Variants in FARS2 observed in about 807,000 individuals in gnomAD.
FARS2 encodes the protein phenylalanyl-tRNA synthetase 2, mitochondrial, also known as phenylalanine--tRNA ligase, mitochondrial.
A neutral mutation model predicts 46.4 loss-of-function variants in FARS2; 40 were observed. The observed-to-expected ratio is 0.86, with a 90% CI of 0.67 to 1.12. The LOEUF (loss-of-function observed/expected upper bound fraction) is 1.12. Among genes scored for constraint, FARS2 ranks in the 50% most tolerant of loss-of-function variants. FARS2 has a pLI of 0.00. For synonymous variants in FARS2, 234 were observed against 214.9 expected, an observed-to-expected ratio of 1.09 and a Z score of -0.78; for missense variants, 513 against 567.9, an observed-to-expected ratio of 0.90 and a Z score of 0.98.
chr6:5,770,173 A>C (rs1290261133), intron 6 of FARS2, among the ~76,000 whole-genome samples: 6 of 152,170 alleles, frequency 3.9e-5, no homozygotes, highest in Non-Finnish European at 7.4e-5. Flanking sequence ...GTTTCCAGTG[A>C]ATATGTGGGA....
At chr6:5,566,359 C>A (rs942262631) in intron 5 of FARS2, among the ~76,000 whole-genome samples, 1 of 152,108 alleles carries the variant, frequency 6.6e-6, no homozygotes, top group Admixed American at 6.6e-5. Context: ...TCTCACAATG[C>A]GAAGTAATTT....
chr6:5,612,963 G>A (rs1012215338), intron 5 of FARS2, among the ~76,000 whole-genome samples: 2 of 152,158 alleles, frequency 1.3e-5, no homozygotes, highest in Non-Finnish European at 2.9e-5. Context: ...ACATGAATGT[G>A]ATAAGAATCT....
At chr6:5,757,116 A>G (rs1187111868) in intron 6 of FARS2, among the ~76,000 whole-genome samples, 16 of 152,170 alleles carry the variant, frequency 1.1e-4, no homozygotes, top group Admixed American at 1.0e-3. Flanking sequence ...CTTCAACTTG[A>G]GAAAGTTGAT....
chr6:5,254,131 G>A, the FARS2 span, among the ~76,000 whole-genome samples: 6 of 152,150 alleles, frequency 3.9e-5, no homozygotes, highest in Admixed American at 1.3e-4. Context: ...CACTGAAAAC[G>A]GCAATGCCTG....
chr6:5,448,560 T>C (rs1309215968), intron 4 of FARS2, among the ~76,000 whole-genome samples: 1 of 152,086 alleles, frequency 6.6e-6, no homozygotes, highest in Non-Finnish European at 1.5e-5. Flanking sequence ...TGGTATTGCA[T>C]TGTGTGTATG....
At chr6:5,497,227 T>G (rs993261713) in intron 4 of FARS2, among the ~76,000 whole-genome samples, 3 of 152,222 alleles carry the variant, frequency 2.0e-5, no homozygotes, top group Non-Finnish European at 4.4e-5. Context: ...CATTATAATA[T>G]AAAAATGATC....
intron 4 of FARS2, among the ~76,000 whole-genome samples, chr6:5,491,014 G>A (rs1767073007): frequency 6.6e-6 from 1 of 152,222 alleles, no homozygotes; most frequent in African/African-American, 2.4e-5. Context: ...AAGCTTCAAA[G>A]TTTGGGGATA....
At chr6:5,587,306 G>A (rs749796915) in intron 5 of FARS2, among the ~76,000 whole-genome samples, 9 of 152,134 alleles carry the variant, frequency 5.9e-5, no homozygotes, top group African/African-American at 1.4e-4. Context: ...TAGAGTCACC[G>A]TTCATAGAAT....
intron 1 of FARS2, among the ~76,000 whole-genome samples, chr6:5,316,232 G>A (rs1354574627): frequency 6.6e-6 from 1 of 152,240 alleles, no homozygotes; most frequent in Non-Finnish European, 1.5e-5. Context: ...ATGCTTGTAT[G>A]TGGGGAGTGC....
intron 1 of FARS2, among the ~76,000 whole-genome samples, chr6:5,318,026 T>C (rs1172257376): frequency 6.6e-6 from 1 of 152,090 alleles, no homozygotes; most frequent in Non-Finnish European, 1.5e-5. Context: ...CGTGTCTCAT[T>C]AGCCTGTTAA....
intron 6 of FARS2, among the ~76,000 whole-genome samples, chr6:5,770,906 G>A (rs553257286): frequency 6.6e-6 from 1 of 152,114 alleles, no homozygotes; most frequent in South Asian, 2.1e-4. Flanking sequence ...AGGCACACGC[G>A]GGTTGACCCC....
intron 1 of FARS2, among the ~76,000 whole-genome samples, chr6:5,307,947 G>C (rs1427244080): frequency 6.6e-6 from 1 of 152,074 alleles, no homozygotes. Context: ...TAAAGTAAAT[G>C]CTTGTTTTTG....
At chr6:5,654,986 G>A (rs757259570) in intron 6 of FARS2, among the ~76,000 whole-genome samples, 2 of 152,112 alleles carry the variant, frequency 1.3e-5, no homozygotes, top group Non-Finnish European at 2.9e-5. Context: ...TTACTTGATT[G>A]TAGCAGTATA....
intron 6 of FARS2, among the ~76,000 whole-genome samples, chr6:5,751,824 A>G (rs565875907): frequency 6.6e-6 from 1 of 152,300 alleles, no homozygotes; most frequent in South Asian, 2.1e-4. Flanking sequence ...TTCCATTTAA[A>G]AATGATTTTT....
At chr6:5,661,261 C>T (rs1314757043) in intron 6 of FARS2, among the ~76,000 whole-genome samples, 1 of 152,228 alleles carries the variant, frequency 6.6e-6, no homozygotes, top group African/African-American at 2.4e-5. Flanking sequence ...TAGGTTTGAA[C>T]ACGTTTGCCT....
intron 1 of FARS2, among the ~76,000 whole-genome samples, chr6:5,357,235 C>A (rs1757990222): frequency 6.6e-6 from 1 of 152,160 alleles, no homozygotes; most frequent in Non-Finnish European, 1.5e-5. Context: ...TTGGAAATAT[C>A]ACTGTGAGTT....
intron 6 of FARS2, among the ~76,000 whole-genome samples, chr6:5,731,409 C>T (rs1487218998): frequency 6.6e-6 from 1 of 152,116 alleles, no homozygotes; most frequent in Non-Finnish European, 1.5e-5. Flanking sequence ...CCTCAGAGAC[C>T]GTGGCCCCAG....
chr6:5,647,265 G>A (rs1029554711), intron 6 of FARS2, among the ~76,000 whole-genome samples: 1 of 152,076 alleles, frequency 6.6e-6, no homozygotes, highest in Non-Finnish European at 1.5e-5. Flanking sequence ...GGGAACCAAT[G>A]TCTTCTTCAT....
chr6:5,706,340 C>T (rs901669544), intron 6 of FARS2, among the ~76,000 whole-genome samples: 5 of 152,292 alleles, frequency 3.3e-5, no homozygotes, highest in Admixed American at 6.5e-5. Flanking sequence ...CTGTGTTAGA[C>T]GACAGCTCTC....
Sources: allele counts gnomAD v4.1 joint callset (sites outside exome capture counted in the v4.1 genomes callset), GRCh38; gene constraint gnomAD v4.1.1; transcripts MANE v1.5; gene names NCBI Gene and HGNC (gene_info 2026-07-23, HGNC 2026-07-21).